NALF1: variants seen among roughly 807,000 people sequenced by gnomAD.
The protein encoded by NALF1 is family with sequence similarity 155 member A.
In NALF1, 3 loss-of-function variants were observed where a neutral mutation model predicts 48.4. The observed-to-expected ratio is 0.06, with a 90% CI of 0.03 to 0.16. NALF1 has a LOEUF of 0.16. Among genes scored for constraint, NALF1 ranks in the 10% least tolerant of loss-of-function variants. The pLI is 1.00. For missense variants in NALF1, 526 were observed against 571.5 expected, an observed-to-expected ratio of 0.92 and a Z score of 0.81; for synonymous variants, 262 against 245.7, an observed-to-expected ratio of 1.07 and a Z score of -0.62.
chr13:107,228,973 C>A (rs1034866932), intron 1 of NALF1, among the ~76,000 whole-genome samples: 1 of 151,880 alleles, frequency 6.6e-6, no homozygotes, highest in Admixed American at 6.6e-5. Context: ...CATGAAAAAC[C>A]CTCCATTTCA....
At chr13:107,250,518 C>T (rs1225123235) in intron 1 of NALF1, among the ~76,000 whole-genome samples, 4 of 152,084 alleles carry the variant, frequency 2.6e-5, no homozygotes, top group African/African-American at 9.7e-5. Flanking sequence ...ATTACAGTAA[C>T]ACTGGATGAT....
chr13:107,459,421 T>C (rs1479850287), intron 1 of NALF1, among the ~76,000 whole-genome samples: 1 of 152,066 alleles, frequency 6.6e-6, no homozygotes, highest in East Asian at 1.9e-4. Context: ...CCTGTTTTGT[T>C]AGTATACAAT....
chr13:107,227,578 G>A (rs141200783), intron 1 of NALF1, among the ~76,000 whole-genome samples: 416 of 152,312 alleles, frequency 2.7e-3, no homozygotes, highest in Non-Finnish European at 5.0e-3. Flanking sequence ...AGTCAAGATC[G>A]TGTAATACTG....
intron 2 of NALF1, among the ~76,000 whole-genome samples, chr13:107,198,896 G>A (rs898872706): frequency 1.3e-5 from 2 of 151,942 alleles, no homozygotes; most frequent in African/African-American, 2.4e-5. Flanking sequence ...CTTTTTATAC[G>A]CTGTTATGGG....
chr13:107,264,661 A>T (rs992137678), intron 1 of NALF1, among the ~76,000 whole-genome samples: 9 of 152,194 alleles, frequency 5.9e-5, no homozygotes, highest in Admixed American at 2.6e-4. Context: ...TAATAGTTTG[A>T]TATTTATCTT....
intron 1 of NALF1, among the ~76,000 whole-genome samples, chr13:107,254,374 T>C (rs1379812524): frequency 1.3e-5 from 2 of 152,178 alleles, no homozygotes; most frequent in Admixed American, 6.5e-5. Context: ...AGACTTAAAT[T>C]TGGCACTGGA....
chr13:107,587,715 C>G (rs569805946), intron 1 of NALF1, among the ~76,000 whole-genome samples: 1 of 152,246 alleles, frequency 6.6e-6, no homozygotes, highest in Non-Finnish European at 1.5e-5. Context: ...TGTCCAGAGA[C>G]GAACAATGAG....
At chr13:107,548,643 G>A (rs1365513595) in intron 1 of NALF1, among the ~76,000 whole-genome samples, 1 of 151,982 alleles carries the variant, frequency 6.6e-6, no homozygotes, top group Non-Finnish European at 1.5e-5. Flanking sequence ...CTCTGCTGGA[G>A]ATGGTTCCTT....
At chr13:107,184,984 A>G (rs1223317274) in intron 2 of NALF1, among the ~76,000 whole-genome samples, 1 of 152,186 alleles carries the variant, frequency 6.6e-6, no homozygotes, top group African/African-American at 2.4e-5. Flanking sequence ...CCAGTAAGAC[A>G]TATGTCCTAA....
chr13:107,699,830 G>C (rs1881779357), intron 1 of NALF1, among the ~76,000 whole-genome samples: 1 of 151,898 alleles, frequency 6.6e-6, no homozygotes, highest in Admixed American at 6.5e-5. Flanking sequence ...TGAAGGTTCA[G>C]AATACAAAAT....
intron 1 of NALF1, among the ~76,000 whole-genome samples, chr13:107,547,117 A>T (rs989558400): frequency 6.6e-5 from 10 of 152,230 alleles, no homozygotes; most frequent in African/African-American, 2.4e-4. Context: ...ATAAATGATG[A>T]GCATTGATAA....
intron 1 of NALF1, among the ~76,000 whole-genome samples, chr13:107,245,619 A>C (rs4772863): frequency 0.69 from 105,615 of 152,058 alleles, 36,789 homozygotes; most frequent in South Asian, 0.8. Context: ...TATTTCTTCC[A>C]AGAAATGTTT....
chr13:107,234,511 A>G (rs960037842), intron 1 of NALF1, among the ~76,000 whole-genome samples: 2 of 152,156 alleles, frequency 1.3e-5, no homozygotes, highest in African/African-American at 4.8e-5. Context: ...CAGCCCCGGC[A>G]GGGCTGCGAG....
chr13:107,303,778 C>T (rs1180632094), intron 1 of NALF1, among the ~76,000 whole-genome samples: 1 of 152,058 alleles, frequency 6.6e-6, no homozygotes, highest in Non-Finnish European at 1.5e-5. Flanking sequence ...TAGAAAAAGC[C>T]CACTCAAAAA....
intron 1 of NALF1, among the ~76,000 whole-genome samples, chr13:107,828,686 A>C (rs1056398284): frequency 6.6e-6 from 1 of 151,724 alleles, no homozygotes; most frequent in Non-Finnish European, 1.5e-5. Context: ...TATTTTAACT[A>C]TATTCCAATG....
intron 1 of NALF1, among the ~76,000 whole-genome samples, chr13:107,781,995 C>T (rs984544337): frequency 1.3e-5 from 2 of 152,298 alleles, no homozygotes; most frequent in South Asian, 2.1e-4. Flanking sequence ...AGTTACACTT[C>T]TGTGCAATGG....
rs193294333 is a variant in NALF1, at chr13:107,443,934, C to A, written c.916-233179G>T. On this transcript the variant is annotated intron_variant, in intron 1 of 2. Coordinates refer to ENST00000375915, the MANE Select transcript of NALF1 (RefSeq NM_001080396.3). Reference sequence around the variant, plus strand: ...TTCCGATTTTATTAGCAACATGAGGCATTTCATTTTCAGTGTTCATATTAA... The same window carrying A: ...TTCCGATTTTATTAGCAACATGAGGAATTTCATTTTCAGTGTTCATATTAA... Among the ~76,000 whole-genome samples, 553 of 152,244 alleles carry A rather than the reference C, an allele frequency of 3.6e-3. 2 individuals carry two copies. The highest frequency in any genetic ancestry group is 6.0e-3 in the South Asian group (29 of 4,824).
intron 1 of NALF1, among the ~76,000 whole-genome samples, chr13:107,647,263 A>G (rs1880337585): frequency 6.6e-6 from 1 of 152,078 alleles, no homozygotes. Context: ...ATACAAGAAC[A>G]TGAATAAATC....
intron 2 of NALF1, among the ~76,000 whole-genome samples, chr13:107,174,803 G>A (rs1452178723): frequency 2.6e-5 from 4 of 152,058 alleles, no homozygotes; most frequent in East Asian, 1.9e-4. Context: ...GGGTGGAGTT[G>A]TGCATGGAAT....
Sources: gnomAD v4.1 joint callset for allele counts (sites outside exome capture counted in the v4.1 genomes callset) on GRCh38, gnomAD v4.1.1 for gene constraint, MANE v1.5 for transcripts, NCBI Gene and HGNC (gene_info 2026-07-23, HGNC 2026-07-21) for gene names.